The following C6 variants were observed in gnomAD, a reference collection of about 807,000 sequenced individuals.
The protein encoded by C6 is complement component C6.
In C6, 101 loss-of-function variants were observed where a neutral mutation model predicts 112.9. The observed-to-expected ratio is 0.89, with a 90% confidence interval of 0.76 to 1.06. The LOEUF (loss-of-function observed/expected upper bound fraction) is 1.06. Among genes scored for constraint, C6 ranks in the 50% least tolerant of loss-of-function variants. The pLI, the probability that C6 is intolerant of heterozygous loss-of-function variation, is 0.00. For synonymous variants in C6, 431 were observed against 384.1 expected (o/e 1.12, Z -1.43); for missense variants, 1,202 against 1,104.6 (o/e 1.09, Z -1.25).
At chr5:41,208,662 C>T (rs1175872664) in intron 1 of C6, among the ~76,000 whole-genome samples, 1 of 152,170 alleles carries the variant, frequency 6.6e-6, no homozygotes, top group East Asian at 1.9e-4. Flanking sequence ...CCTCTCAAGA[C>T]AAAACCAGGA....
intron 1 of C6, among the ~76,000 whole-genome samples, chr5:41,234,387 T>C (rs2150416655): frequency 6.7e-6 from 1 of 148,732 alleles, no homozygotes; most frequent in East Asian, 2.0e-4. Flanking sequence ...GCTTGGAAGA[T>C]GTTGCATAAC....
chr5:41,235,134 G>T (rs1288146214), intron 1 of C6, among the ~76,000 whole-genome samples: 1 of 142,120 alleles, frequency 7.0e-6, no homozygotes, highest in Non-Finnish European at 1.5e-5. Context: ...GTGCAGGTTA[G>T]TTACATATGC....
At chr5:41,216,190 T>C (rs1429688078), upstream of C6, among the ~76,000 whole-genome samples, 1 of 152,134 alleles carries the variant, frequency 6.6e-6, no homozygotes, top group Non-Finnish European at 1.5e-5. Context: ...CATTTGATGT[T>C]TTGCCATCTA....
rs893902006 is a variant in C6 at position 41,256,429 on chromosome 5, T to TA, written c.-21+4764dup. On this transcript the variant is annotated intron_variant, in intron 1 of 17. Transcript: ENST00000263413. ...TATACCCTAAAACTTAAAGTATAAT[T>TA]AAAAAAAAAAAAGTAAAAAAAAAAA... is the stretch of plus-strand genomic sequence containing the variant. 2.0e-4 allele frequency among the ~76,000 whole-genome samples: 27 copies of TA among 135,812 alleles called. No individual in the cohort carries two copies. In the South Asian group the frequency reaches 4.1e-3, roughly 21 times the overall value. 89.1% of individuals were successfully genotyped at this position (135,812 alleles called of 152,430 possible).
intron 10 of C6, among the ~76,000 whole-genome samples, chr5:41,161,073 A>G (rs1205354631): frequency 1.3e-5 from 2 of 152,066 alleles, no homozygotes; most frequent in Admixed American, 6.6e-5. Context: ...CTATTTTCAT[A>G]ATGATTGAAA....
intron 4 of C6, among the ~76,000 whole-genome samples, chr5:41,196,573 T>C (rs1750637846): frequency 6.6e-6 from 1 of 151,886 alleles, no homozygotes; most frequent in Non-Finnish European, 1.5e-5. Flanking sequence ...TTGCATAATT[T>C]GTGAAAGCAA....
chr5:41,215,410 T>A (rs1202346239), upstream of C6, among the ~76,000 whole-genome samples: 2 of 152,154 alleles, frequency 1.3e-5, no homozygotes, highest in Non-Finnish European at 2.9e-5. Flanking sequence ...AGCTAGGAAT[T>A]GAATACTTGT....
At chr5:41,172,422 T>C in intron 8 of C6, 75 bp from the exon 9 acceptor site, 1 of 1,387,744 alleles carries the variant, frequency 7.2e-7, no homozygotes, top group South Asian at 1.2e-5. Flanking sequence ...GGTGCTCTGG[T>C]CACTTCGGAT....
At chr5:41,247,404 C>A (rs896397396) in intron 1 of C6, among the ~76,000 whole-genome samples, 2 of 151,716 alleles carry the variant, frequency 1.3e-5, no homozygotes, top group African/African-American at 4.8e-5. Flanking sequence ...AAGCTGAGGA[C>A]CAAATCAAGA....
chr5:41,231,149 T>C (rs1164922730), intron 1 of C6, among the ~76,000 whole-genome samples: 1 of 152,152 alleles, frequency 6.6e-6, no homozygotes, highest in African/African-American at 2.4e-5. Context: ...ATACATTTAT[T>C]TTTTATCCAC....
chr5:41,234,549 A>G (rs1248659696), intron 1 of C6, among the ~76,000 whole-genome samples: 2 of 152,068 alleles, frequency 1.3e-5, no homozygotes, highest in African/African-American at 2.4e-5. Flanking sequence ...ATTAGCACTG[A>G]GTGTAGAAGC....
rs761682525 is a variant in C6 at position 41,199,827 on chromosome 5, G to A, written c.386C>T (p.Pro129Leu). The change falls in exon 4 of 18, where the codon CCA becomes CTA. Residue 129 changes from proline to leucine, a missense_variant. By Grantham distance (98) the Pro-to-Leu change is moderately conservative. Transcript: ENST00000337836. The stretch of plus-strand genomic sequence containing the variant: ...CTCTTCAATTTTGCAGAGCTTAGAT[G>A]GAATGCATGGTTGAAAGGCTACCAG... ...APLVAFQPCIPSKLCKIEEAD... is the reference protein window; with the variant it reads ...APLVAFQPCILSKLCKIEEAD... The A allele has an allele frequency of 3.7e-6, 6 of 1,613,684 alleles. No homozygotes were observed. The highest frequency in any genetic ancestry group is 1.7e-4 in the Middle Eastern group (1 of 6,054).
Position 41,149,460 on chromosome 5 carries a change from C to T in C6, c.2404G>A (p.Val802Met). The T allele has an allele frequency of 6.2e-7, 1 of 1,614,014 alleles. No individual in the cohort carries two copies. The highest frequency in any genetic ancestry group is 8.5e-7 in the Non-Finnish European group (1 of 1,179,958). The change falls in exon 17 of 18, where the codon GTG (valine) becomes ATG (methionine). Residue 802 changes from valine (V) to methionine (M), a missense_variant. Val to Met is a conservative substitution (Grantham distance 21). Coordinates refer to ENST00000337836, the MANE Select transcript of C6 (RefSeq NM_000065.5). The stretch of plus-strand genomic sequence containing the variant: ...TAATCGTTGGAGTCTGTGTCAAACA[C>T]ACAGAGATCTTCTGAATGATGGCTG... Reference protein sequence around the residue: ...DCSHHSEDLCVFDTDSNDYFT... With the variant: ...DCSHHSEDLCMFDTDSNDYFT...
intron 8 of C6, among the ~76,000 whole-genome samples, chr5:41,174,745 CAG>C (rs1748699669): frequency 6.6e-6 from 1 of 152,022 alleles, no homozygotes. Context: ...AAATTAACAA[CAG>C]GGGATATAAT....
intron 1 of C6, among the ~76,000 whole-genome samples, chr5:41,224,775 G>C (rs1021729407): frequency 6.6e-6 from 1 of 152,118 alleles, no homozygotes; most frequent in African/African-American, 2.4e-5. Flanking sequence ...TAGGAGTGGA[G>C]TTGCTGGGTC....
chr5:41,176,857 C>G, intron 7 of C6, 142 bp from the exon 8 acceptor site: 1 of 821,116 alleles, frequency 1.2e-6, no homozygotes, highest in East Asian at 2.7e-5. Context: ...CATGTTCTCA[C>G]GTACAAAATT....
At chr5:41,178,004 A>C (rs115314659) in intron 7 of C6, among the ~76,000 whole-genome samples, 1 of 152,208 alleles carries the variant, frequency 6.6e-6, no homozygotes, top group Non-Finnish European at 1.5e-5. Context: ...GGAAGGTTCA[A>C]TATTTCCAGG....
intron 4 of C6, 91 bp from the exon 5 acceptor site, chr5:41,196,024 G>A: frequency 1.3e-6 from 2 of 1,486,984 alleles, no homozygotes; most frequent in Non-Finnish European, 1.8e-6. Flanking sequence ...TAAATTTCAA[G>A]GTAAAGTTGA....
At chr5:41,249,715 A>T (rs1741228419) in intron 1 of C6, among the ~76,000 whole-genome samples, 1 of 152,186 alleles carries the variant, frequency 6.6e-6, no homozygotes, top group South Asian at 2.1e-4. Context: ...GTGGGTAAAA[A>T]GTGTATTTTA....
Sources: gnomAD v4.1 joint callset for allele counts (sites outside exome capture counted in the v4.1 genomes callset) on GRCh38, gnomAD v4.1.1 for gene constraint, MANE v1.5 for transcripts, NCBI Gene and HGNC (gene_info 2026-07-23, HGNC 2026-07-21) for gene names.